PALM2AKAP2: variants seen among roughly 807,000 people sequenced by gnomAD.
PALM2AKAP2 encodes the protein PALM2-AKAP2 fusion protein.
Under a neutral mutation model 71.5 loss-of-function variants are expected in PALM2AKAP2, and 37 were observed. The observed-to-expected ratio is 0.52, with a 90% CI of 0.40 to 0.68. The LOEUF is 0.68. Among genes scored for constraint, PALM2AKAP2 ranks in the 30% least tolerant of loss-of-function variants. The pLI is 0.00. For missense variants in PALM2AKAP2, 1,224 were observed against 1,191.8 expected (o/e 1.03, Z -0.40); for synonymous variants, 468 against 478.8 (o/e 0.98, Z 0.29).
chr9:109,794,265 G>A (rs1173467874), intron 1 of PALM2AKAP2, among the ~76,000 whole-genome samples: 6 of 152,024 alleles, frequency 3.9e-5, no homozygotes, highest in Admixed American at 1.3e-4. Context: ...TGTTGTTGTT[G>A]TTTTTTGAAA....
intron 1 of PALM2AKAP2, among the ~76,000 whole-genome samples, chr9:109,743,730 T>C (rs1054494913): frequency 2.6e-5 from 4 of 152,178 alleles, no homozygotes; most frequent in African/African-American, 9.7e-5. Context: ...ATTATGGTTG[T>C]TTGTGTGCAA....
chr9:109,767,719 T>C (rs1451646395), intron 1 of PALM2AKAP2, among the ~76,000 whole-genome samples: 3 of 152,042 alleles, frequency 2.0e-5, no homozygotes, highest in Non-Finnish European at 4.4e-5. Flanking sequence ...CTCCCATACC[T>C]AAACCATCAC....
chr9:109,906,527 T>G (rs1210463809), intron 3 of PALM2AKAP2, among the ~76,000 whole-genome samples: 1 of 152,166 alleles, frequency 6.6e-6, no homozygotes. Flanking sequence ...ATTGCCAACT[T>G]TTTTTCAGCC....
At chr9:109,782,341 T>G (rs2769147) in intron 1 of PALM2AKAP2, among the ~76,000 whole-genome samples, 1 of 151,822 alleles carries the variant, frequency 6.6e-6, no homozygotes. Context: ...CTGTTGATTA[T>G]TCTCATGAAT....
chr9:109,769,620 G>T (rs1293372346), intron 1 of PALM2AKAP2, among the ~76,000 whole-genome samples: 1 of 152,210 alleles, frequency 6.6e-6, no homozygotes, highest in African/African-American at 2.4e-5. Flanking sequence ...GGGGGGAAAA[G>T]CCAGGCAGGC....
chr9:109,744,796 A>G (rs1322894589), intron 1 of PALM2AKAP2, among the ~76,000 whole-genome samples: 2 of 152,138 alleles, frequency 1.3e-5, no homozygotes, highest in Non-Finnish European at 2.9e-5. Context: ...CTTCATGTGG[A>G]GCAGAAACCT....
exon 2 of PALM2AKAP2, chr9:110,137,289 C>A (rs1332360226): frequency 1.2e-6 from 2 of 1,614,228 alleles, no homozygotes; most frequent in South Asian, 2.2e-5. Flanking sequence ...AGGCTGTTCT[C>A]CATCAAGCCT....
At chr9:110,059,745 T>A (rs2132543003) in intron 1 of PALM2AKAP2, among the ~76,000 whole-genome samples, 2 of 152,222 alleles carry the variant, frequency 1.3e-5, no homozygotes, top group Non-Finnish European at 2.9e-5. Context: ...GTGGGAAGCC[T>A]GTGTTTTTCC....
chr9:109,806,802 T>C (rs1009241317), intron 1 of PALM2AKAP2, among the ~76,000 whole-genome samples: 4 of 152,128 alleles, frequency 2.6e-5, no homozygotes, highest in African/African-American at 9.7e-5. Context: ...AAAGAGGTGG[T>C]GGCTGGGGCT....
At chr9:109,832,578 C>T (rs1752343) in intron 1 of PALM2AKAP2, among the ~76,000 whole-genome samples, 124,648 of 152,202 alleles carry the variant, frequency 0.82, 51,557 homozygotes, top group East Asian at 0.95. Flanking sequence ...TGTTTGAAAG[C>T]TAAGAAAAAT....
At chr9:109,752,063 C>A (rs925486913) in intron 1 of PALM2AKAP2, among the ~76,000 whole-genome samples, 2 of 152,122 alleles carry the variant, frequency 1.3e-5, no homozygotes, top group African/African-American at 4.8e-5. Context: ...ATTCAAAAAA[C>A]ATTTATTGAG....
At chr9:109,805,814 A>G (rs1827556523) in intron 1 of PALM2AKAP2, among the ~76,000 whole-genome samples, 1 of 152,230 alleles carries the variant, frequency 6.6e-6, no homozygotes, top group Admixed American at 6.5e-5. Context: ...ATTAGGATAC[A>G]TTTGCTAAAA....
rs370020984 is a variant in PALM2AKAP2 at position 109,789,185 on chromosome 9, C to A, written c.45+8652C>A. Among the ~76,000 whole-genome samples, 5 of 152,228 alleles carry A rather than the reference C, an allele frequency of 3.3e-5. No individual in the cohort carries two copies. In the East Asian group the frequency reaches 7.7e-4, roughly 24 times the overall value. ...CACCTCAGTGAGATAAGAAGTCATGCAGTAGAGAAGATATCCAGCAACACC... is the reference window on the plus strand; with the variant it reads ...CACCTCAGTGAGATAAGAAGTCATGAAGTAGAGAAGATATCCAGCAACACC... On this transcript the variant is annotated intron_variant, in intron 1 of 9. Transcript: ENST00000302798.
intron 6 of PALM2AKAP2, among the ~76,000 whole-genome samples, chr9:109,937,998 T>C (rs1389038992): frequency 5.9e-5 from 9 of 152,208 alleles, no homozygotes; most frequent in Admixed American, 5.9e-4. Flanking sequence ...GAGAGTATGC[T>C]CTGTGCTTTG....
At chr9:109,985,390 T>A (rs1235409643) in intron 6 of PALM2AKAP2, among the ~76,000 whole-genome samples, 1 of 151,598 alleles carries the variant, frequency 6.6e-6, no homozygotes, top group Non-Finnish European at 1.5e-5. Flanking sequence ...GAGGCCGAGG[T>A]GGGCCGATCG....
intron 1 of PALM2AKAP2, among the ~76,000 whole-genome samples, chr9:110,076,704 A>C (rs539356751): frequency 6.6e-6 from 1 of 152,110 alleles, no homozygotes; most frequent in South Asian, 2.1e-4. Context: ...AAGTAAAAAT[A>C]TAGGGTCCCA....
intron 1 of PALM2AKAP2, among the ~76,000 whole-genome samples, chr9:110,117,266 C>T (rs1164634664): frequency 6.6e-6 from 1 of 152,130 alleles, no homozygotes; most frequent in Non-Finnish European, 1.5e-5. Context: ...ACTATAGGTT[C>T]ATGCCACCAT....
rs113145024 is a variant in PALM2AKAP2 at position 109,880,481 on chromosome 9, A to G, written c.127-70A>G. The G allele has an allele frequency of 4.3e-5, 67 of 1,574,626 alleles. 1 individual carries two copies. The African/African-American group carries it at 5.2e-4, about 12-fold the overall frequency. ...TGAGGGGTGGAGCTAAAACAGCACC[A>G]CTGCAGAGGGAGAGGACAGTGTGGA... On this transcript the variant is annotated intron_variant, in intron 2 of 9. Coordinates refer to the PALM2AKAP2 transcript ENST00000302798.
intron 5 of PALM2AKAP2, among the ~76,000 whole-genome samples, chr9:109,927,980 A>C (rs955473742): frequency 6.6e-6 from 1 of 152,164 alleles, no homozygotes; most frequent in African/African-American, 2.4e-5. Context: ...TATGATATGG[A>C]TCTTCTTAGG....
Sources: allele counts gnomAD v4.1 joint callset (sites outside exome capture counted in the v4.1 genomes callset), GRCh38; gene constraint gnomAD v4.1.1; transcripts MANE v1.5; gene names NCBI Gene and HGNC (gene_info 2026-07-23, HGNC 2026-07-21).